VPS35L: variants seen among roughly 807,000 people sequenced by gnomAD.
VPS35L encodes VPS35 endosomal protein sorting factor like.
A neutral mutation model predicts 133.0 loss-of-function variants in VPS35L; 83 were observed. That is an observed-to-expected ratio of 0.62 (90% CI 0.52 to 0.75). The LOEUF (loss-of-function observed/expected upper bound fraction) is 0.75. Ranked by LOEUF, VPS35L falls within the 30% of genes least tolerant of loss-of-function variation. The probability of loss-of-function intolerance (pLI) is 0.00; values close to 1 mark genes in which losing one functional copy is unlikely to be tolerated. For synonymous variants in VPS35L, 423 were observed against 449.9 expected, an observed-to-expected ratio of 0.94 and a Z score of 0.76; for missense variants, 1,083 against 1,206.8, an observed-to-expected ratio of 0.90 and a Z score of 1.52.
At chr16:19,595,300 G>T (rs1300868703) in intron 8 of VPS35L, among the ~76,000 whole-genome samples, 1 of 152,150 alleles carries the variant, frequency 6.6e-6, no homozygotes, top group Non-Finnish European at 1.5e-5. Context: ...TGAGAGGCAG[G>T]GGTGGCTTGG....
At chr16:19,680,732 C>A (rs2151616600) in intron 27 of VPS35L, among the ~76,000 whole-genome samples, 1 of 152,224 alleles carries the variant, frequency 6.6e-6, no homozygotes, top group South Asian at 2.1e-4. Flanking sequence ...GGCAACATGG[C>A]AAGACCTCAT....
At chr16:19,587,436 C>A (rs1451636963) in intron 7 of VPS35L, 2 of 400,068 alleles carry the variant, frequency 5.0e-6, no homozygotes, top group Non-Finnish European at 9.9e-6. Context: ...TTAAGACCAG[C>A]CTGACCAACA....
intron 1 of VPS35L, among the ~76,000 whole-genome samples, chr16:19,562,455 A>G (rs1289203038): frequency 1.3e-5 from 2 of 152,118 alleles, no homozygotes; most frequent in Non-Finnish European, 2.9e-5. Context: ...GTCACTTTCC[A>G]TACTAGCTGA....
chr16:19,604,591 T>C (rs1972486465), intron 9 of VPS35L, among the ~76,000 whole-genome samples: 1 of 152,178 alleles, frequency 6.6e-6, no homozygotes, highest in Non-Finnish European at 1.5e-5. Context: ...AAAAGAACAG[T>C]AGATTATGTT....
At position 19,699,379 on chromosome 16, in the gene VPS35L, C is replaced by T. The variant is rs182563228; in HGVS notation, c.2647-123C>T. The T allele has an allele frequency of 3.7e-5, 46 of 1,243,842 alleles. No homozygotes were observed. The African/African-American group carries it at 4.8e-4, about 13-fold the overall frequency. 77.1% of individuals were successfully genotyped at this position (1,243,842 alleles called of 1,614,324 possible). ...TCAGCAGCTTGCCCTACAGCAAATA[C>T]ATGGCAGAGCTGGCACTGGAACTCA... On this transcript the variant is annotated intron_variant, in intron 29 of 30. Transcript: ENST00000417362. The surrounding 1 kb of genome is among the most constrained non-coding windows in gnomAD (Gnocchi z 4.2).
chr16:19,627,051 ACGGGTG>A (rs1376973144), intron 15 of VPS35L, among the ~76,000 whole-genome samples: 26 of 151,240 alleles, frequency 1.7e-4, no homozygotes, highest in Non-Finnish European at 3.7e-4. Flanking sequence ...GGAGGCTGAG[ACGGGTG>A]GATCACCTGA....
At chr16:19,637,410 C>G (rs556984648) in intron 19 of VPS35L, among the ~76,000 whole-genome samples, 184 bp from the exon 20 acceptor site, 3 of 152,170 alleles carry the variant, frequency 2.0e-5, no homozygotes, top group African/African-American at 7.2e-5. Context: ...AGAGCCTACC[C>G]TAAGCCCAGT....
In VPS35L at chr16:19,581,708, TGTGAGACTTA is replaced by T. The variant is rs757615122; in HGVS notation, c.639+57_639+66del. On this transcript the variant is annotated intron_variant, in intron 7 of 30. Transcript: ENST00000417362. Reference sequence around the variant, plus strand: ...CAGAATTTCCTATGTAAAATTCCACTGTGAGACTTAGAGTTTTCAGGGGCCTACCTGCAGG... The same window carrying T: ...CAGAATTTCCTATGTAAAATTCCACTGAGTTTTCAGGGGCCTACCTGCAGG... 1.3e-5 allele frequency: 19 copies of T among 1,464,132 alleles called. No individual in the cohort carries two copies. In the South Asian group the frequency reaches 2.1e-4, roughly 16 times the overall value. 90.7% of individuals were successfully genotyped at this position (1,464,132 alleles called of 1,614,324 possible). A position where few individuals can be genotyped will look rare whatever the true frequency, so the allele number is the denominator to read the frequency against.
chr16:19,665,695 G>C (rs1317774486), intron 26 of VPS35L, among the ~76,000 whole-genome samples: 1 of 152,230 alleles, frequency 6.6e-6, no homozygotes, highest in Non-Finnish European at 1.5e-5. Flanking sequence ...GGTAAATCCA[G>C]TGGTGGGATT....
intron 9 of VPS35L, among the ~76,000 whole-genome samples, chr16:19,603,856 C>T (rs530649055): frequency 1.2e-3 from 190 of 152,282 alleles, no homozygotes; most frequent in African/African-American, 4.5e-3. Context: ...CTCAGCCTCC[C>T]AAGTAGCTGG....
chr16:19,647,883 G>T lies in VPS35L; in HGVS notation c.2028+1G>T, dbSNP rs1384313951. On this transcript the variant is annotated splice_donor_variant, in intron 24 of 30. Transcript: ENST00000417362. LOFTEE classifies it high-confidence loss of function. Reference sequence around the variant, plus strand: ...GCCTGTTCTTGTGCAGTTGATTCATGTAAGTATTTTCATTCATTAGTTTCT... The same window carrying T: ...GCCTGTTCTTGTGCAGTTGATTCATTTAAGTATTTTCATTCATTAGTTTCT... 1 of 1,606,570 alleles carries T rather than the reference G, an allele frequency of 6.2e-7. No individual in the cohort carries two copies. Among genetic ancestry groups the T allele is most frequent in the Non-Finnish European group, 8.5e-7 (1 of 1,173,256 alleles).
chr16:19,691,353 TG>T lies in VPS35L; in HGVS notation c.2530del (p.Asp844ThrfsTer24). ...QETYLYHIDK[V>X]DSNDSLYGGD... ...CTCACTGTTCTTGTTTGTTCAACAG[TG>T]GACTCCAACGACAGCCTCTACGGGG... On this transcript the variant is annotated frameshift_variant and splice_region_variant, in exon 29 of 31. Coordinates refer to ENST00000417362, the MANE Select transcript of VPS35L (RefSeq NM_020314.7). LOFTEE classifies it high-confidence loss of function. 6.2e-7 allele frequency: 1 copy of T among 1,611,840 alleles called. No homozygotes were observed. Among genetic ancestry groups the T allele is most frequent in the Admixed American group, 1.7e-5 (1 of 59,992 alleles).
At chr16:19,629,575 A>C (rs1567438148) in intron 17 of VPS35L, among the ~76,000 whole-genome samples, 192 bp from the exon 18 acceptor site, 1 of 152,242 alleles carries the variant, frequency 6.6e-6, no homozygotes, top group Non-Finnish European at 1.5e-5. Flanking sequence ...AAAATATAAC[A>C]GTTCGTAAGA....
chr16:19,608,623 C>T (rs1267824667), intron 10 of VPS35L: 2 of 390,102 alleles, frequency 5.1e-6, no homozygotes, highest in Non-Finnish European at 9.2e-6. Context: ...AGGGCAAATG[C>T]TACTATTGAA....
At chr16:19,576,804 T>A (rs968467274) in intron 5 of VPS35L, among the ~76,000 whole-genome samples, 6 of 152,052 alleles carry the variant, frequency 3.9e-5, no homozygotes, top group Non-Finnish European at 8.8e-5. Flanking sequence ...CCTCCTGGGT[T>A]CAAGCAATTC....
chr16:19,594,587 C>A (rs780793946), intron 8 of VPS35L, among the ~76,000 whole-genome samples: 2 of 125,422 alleles, frequency 1.6e-5, no homozygotes, highest in Non-Finnish European at 3.1e-5. Context: ...GAAGTTGCAG[C>A]GAGCTGAGAT....
At position 19,640,035 on chromosome 16, in the gene VPS35L, G is replaced by T. The variant is rs567950841; in HGVS notation, c.1719G>T (p.Leu573=). The T allele has an allele frequency of 3.7e-6, 6 of 1,614,130 alleles. No individual in the cohort carries two copies. Among genetic ancestry groups the T allele is most frequent in the Middle Eastern group, 1.7e-4 (1 of 6,060 alleles). The change falls in exon 21 of 31, where the codon CTG becomes CTT. Residue 573 remains leucine, a synonymous_variant. Coordinates refer to ENST00000417362, the MANE Select transcript of VPS35L (RefSeq NM_020314.7). The stretch of plus-strand genomic sequence containing the variant: ...TATAGGAAAAATTTCTGCCGTTTCT[G>T]GACATGTTCCAAAAAGAGAGTGTGC... ...LFSVEKFLPF[L]DMFQKESVRV... is the part of the protein sequence containing the mutation.
At chr16:19,594,110 C>G (rs1166910835) in intron 8 of VPS35L, among the ~76,000 whole-genome samples, 2 of 152,134 alleles carry the variant, frequency 1.3e-5, no homozygotes, top group Admixed American at 6.5e-5. Context: ...GATCACATGT[C>G]AGTCCCTGAG....
At chr16:19,684,598 A>G (rs1374933354) in intron 28 of VPS35L, among the ~76,000 whole-genome samples, 2 of 152,178 alleles carry the variant, frequency 1.3e-5, no homozygotes, top group African/African-American at 2.4e-5. Context: ...TAATCCTTAC[A>G]GCTTTACTAT....
Sources: gnomAD v4.1 joint callset for allele counts (sites outside exome capture counted in the v4.1 genomes callset) on GRCh38, gnomAD v4.1.1 for gene constraint, Gnocchi (gnomAD v3.1) non-coding constraint, MANE v1.5 for transcripts, NCBI Gene and HGNC (gene_info 2026-07-23, HGNC 2026-07-21) for gene names.